Variants in EGFR observed in about 807,000 individuals in gnomAD.
The protein encoded by EGFR is avian erythroblastic leukemia viral (v-erb-b) oncogene homolog.
Under a neutral mutation model 143.0 loss-of-function variants are expected in EGFR, and 58 were observed. The observed-to-expected ratio is 0.41, with a 90% CI of 0.33 to 0.50. The LOEUF is 0.50. Ranked by LOEUF, EGFR falls within the 20% of genes least tolerant of loss-of-function variation. EGFR has a pLI of 0.39. For synonymous variants in EGFR, 613 were observed against 594.4 expected, an observed-to-expected ratio of 1.03 and a Z score of -0.45; for missense variants, 1,307 against 1,579.0, an observed-to-expected ratio of 0.83 and a Z score of 2.92.
intron 1 of EGFR, among the ~76,000 whole-genome samples, chr7:55,108,703 C>G (rs1299253237): frequency 2.0e-5 from 3 of 152,056 alleles, no homozygotes; most frequent in African/African-American, 7.2e-5. Flanking sequence ...CACTCCAAAC[C>G]AAAATTCGAT....
intron 15 of EGFR, chr7:55,170,622 A>G: frequency 6.2e-7 from 1 of 1,603,436 alleles, no homozygotes; most frequent in Non-Finnish European, 8.5e-7. Context: ...GGTTCCCAAG[A>G]GTATCCTACC....
intron 15 of EGFR, chr7:55,170,457 A>G (rs2128950718): frequency 6.2e-7 from 1 of 1,614,160 alleles, no homozygotes; most frequent in Admixed American, 1.7e-5. Context: ...TTCTGCCGTC[A>G]GAGTTTCAGC....
intron 1 of EGFR, among the ~76,000 whole-genome samples, chr7:55,041,200 G>C (rs1005396141): frequency 1.3e-5 from 2 of 152,212 alleles, no homozygotes; most frequent in Admixed American, 1.3e-4. Flanking sequence ...ATCACCTGAG[G>C]TCAGGAGTTC....
intron 1 of EGFR, among the ~76,000 whole-genome samples, chr7:55,100,326 T>C (rs1226371163): frequency 6.6e-6 from 1 of 152,206 alleles, no homozygotes; most frequent in Non-Finnish European, 1.5e-5. Flanking sequence ...TGTCATCAGA[T>C]TGCTCCAATC....
At chr7:55,166,349 T>A (rs748510306) in intron 15 of EGFR, 2 of 564,838 alleles carry the variant, frequency 3.5e-6, no homozygotes, top group Non-Finnish European at 6.9e-6. Context: ...TGTTTGGAAC[T>A]GTTACTCATT....
chr7:55,064,097 G>T (rs1057484846), intron 1 of EGFR, among the ~76,000 whole-genome samples: 40 of 152,008 alleles, frequency 2.6e-4, no homozygotes, highest in Admixed American at 6.6e-5. Context: ...CTCTATTTTT[G>T]ATATACAAAA....
chr7:55,148,090 A>G (rs1794861472), intron 4 of EGFR, among the ~76,000 whole-genome samples: 1 of 152,214 alleles, frequency 6.6e-6, no homozygotes, highest in Non-Finnish European at 1.5e-5. Context: ...TGCTGTGAAC[A>G]TGGGTATTGA....
At chr7:55,092,522 C>A (rs560835489) in intron 1 of EGFR, among the ~76,000 whole-genome samples, 6 of 152,242 alleles carry the variant, frequency 3.9e-5, no homozygotes, top group Non-Finnish European at 8.8e-5. Context: ...CCCACCCCCA[C>A]AAATGCAGCA....
At chr7:55,167,301 A>G (rs113251301) in intron 15 of EGFR, among the ~76,000 whole-genome samples, 65 of 46,440 alleles carry the variant, frequency 1.4e-3, no homozygotes, top group Middle Eastern at 0.021. Context: ...GGGAGTCACA[A>G]TGGTGGTGGT....
rs527531193 is a variant in EGFR at position 55,125,621 on chromosome 7, A to G, written c.89-16665A>G. 4.6e-5 allele frequency among the ~76,000 whole-genome samples: 7 copies of G among 152,376 alleles called. 1 individual carries two copies. In the South Asian group the frequency reaches 1.4e-3, roughly 32 times the overall value. ...ACTGTCTGTTTTGAGAAAATTGTAGATTCACACATACTAGCTGTAAGAAAT... is the reference window on the plus strand; with the variant it reads ...ACTGTCTGTTTTGAGAAAATTGTAGGTTCACACATACTAGCTGTAAGAAAT... On this transcript the variant is annotated intron_variant, in intron 1 of 27. Transcript: ENST00000275493.
At chr7:55,068,148 C>A (rs139165969) in intron 1 of EGFR, among the ~76,000 whole-genome samples, 2,098 of 145,950 alleles carry the variant, frequency 0.014, 25 homozygotes, top group Non-Finnish European at 0.022. Context: ...CACTAAAAAT[C>A]TCTCATCACC....
At chr7:55,204,520 C>T (rs548260497) in intron 27 of EGFR, among the ~76,000 whole-genome samples, 27 of 145,602 alleles carry the variant, frequency 1.9e-4, no homozygotes, top group Non-Finnish European at 3.5e-4. Flanking sequence ...CAAACATATA[C>T]ACCCCACACA....
Position 55,209,379 on chromosome 7 carries a change from C to G in EGFR, c.*3762C>G, listed in dbSNP as rs1562813566. ...CTCATTTCAAAAGCGTTCAATTCAT[C>G]CTCACCAGCAGTTCAGCTGGAAAGG... On this transcript the variant is annotated 3_prime_UTR_variant, in exon 28 of 28. Transcript: ENST00000275493. 6.6e-6 allele frequency: 1 copy of G among 152,188 alleles called. No individual in the cohort carries two copies. The highest frequency in any genetic ancestry group is 2.1e-4 in the South Asian group (1 of 4,816). The allele number at this position is 152,188 out of a possible 1,614,324, so 9.4% of individuals were successfully genotyped here.
intron 1 of EGFR, among the ~76,000 whole-genome samples, chr7:55,093,434 G>C (rs146678969): frequency 6.6e-6 from 1 of 152,330 alleles, no homozygotes; most frequent in Non-Finnish European, 1.5e-5. Context: ...GTATCGTAGA[G>C]TGAGCAATGA....
At chr7:55,128,934 A>G (rs1034703815) in intron 1 of EGFR, among the ~76,000 whole-genome samples, 1 of 152,260 alleles carries the variant, frequency 6.6e-6, no homozygotes, top group Admixed American at 6.5e-5. Flanking sequence ...CACTGTACAG[A>G]AAAGGGAATC....
intron 1 of EGFR, among the ~76,000 whole-genome samples, chr7:55,053,640 A>T (rs1583918927): frequency 6.6e-6 from 1 of 152,312 alleles, no homozygotes; most frequent in East Asian, 1.9e-4. Flanking sequence ...GACCAGGAGG[A>T]CACACAGCTC....
At position 55,205,999 on chromosome 7, in the gene EGFR, G is replaced by A; in HGVS notation, c.*382G>A. The stretch of plus-strand genomic sequence containing the variant: ...TACTTCAATGGGCTCTTCCAACAAG[G>A]AAGAAGCTTGCTGGTAGCACTTGCT... On this transcript the variant is annotated 3_prime_UTR_variant, in exon 28 of 28. Transcript: ENST00000275493. 2.6e-6 allele frequency: 1 copy of A among 384,712 alleles called. No homozygotes were observed. The highest frequency in any genetic ancestry group is 4.8e-6 in the Non-Finnish European group (1 of 208,982). 23.8% of individuals were successfully genotyped at this position (384,712 alleles called of 1,614,324 possible). A position where few individuals can be genotyped will look rare whatever the true frequency, so the allele number is the denominator to read the frequency against.
At position 55,207,130 on chromosome 7, in the gene EGFR, T is replaced by C. The variant is rs1788127566; in HGVS notation, c.*1513T>C. The C allele has an allele frequency of 4.3e-6, 1 of 232,738 alleles. No individual in the cohort carries two copies. The highest frequency in any genetic ancestry group is 8.5e-6 in the Non-Finnish European group (1 of 117,748). 14.4% of individuals were successfully genotyped at this position (232,738 alleles called of 1,614,324 possible). ...CAGTGTTTTAAACTCTCCTAGTCAA[T>C]ATCCACCCCATCCAATTTATCAAGG... On this transcript the variant is annotated 3_prime_UTR_variant, in exon 28 of 28. Coordinates refer to ENST00000275493, the MANE Select transcript of EGFR (RefSeq NM_005228.5).
chr7:55,197,421 G>A (rs918283396), intron 22 of EGFR, among the ~76,000 whole-genome samples: 6 of 152,128 alleles, frequency 3.9e-5, no homozygotes, highest in African/African-American at 1.2e-4. Context: ...CAAGACTATG[G>A]GGTTTTCTAG....
Sources: gnomAD v4.1 joint callset for allele counts (sites outside exome capture counted in the v4.1 genomes callset) on GRCh38, gnomAD v4.1.1 for gene constraint, MANE v1.5 for transcripts, NCBI Gene and HGNC (gene_info 2026-07-23, HGNC 2026-07-21) for gene names.